The following RBFOX3 variants were observed in gnomAD, a reference collection of about 807,000 sequenced individuals.
RBFOX3 encodes the protein RNA binding protein fox-1 homolog 3.
A neutral mutation model predicts 48.7 loss-of-function variants in RBFOX3; 17 were observed. The ratio of observed to expected loss-of-function variants is 0.35; its 90% CI spans 0.24 to 0.52. The LOEUF (loss-of-function observed/expected upper bound fraction) is 0.52, where lower values mean the gene tolerates loss of function less well. Among genes scored for constraint, RBFOX3 ranks in the 20% least tolerant of loss-of-function variants. The pLI, the probability that RBFOX3 is intolerant of heterozygous loss-of-function variation, is 0.94. For synonymous variants in RBFOX3, 212 were observed against 209.5 expected, an observed-to-expected ratio of 1.01 and a Z score of -0.10; for missense variants, 382 against 497.5, an observed-to-expected ratio of 0.77 and a Z score of 2.21.
chr17:79,621,554 G>GA, the RBFOX3 span, among the ~76,000 whole-genome samples: 1 of 152,346 alleles, frequency 6.6e-6, no homozygotes, highest in African/African-American at 2.4e-5. Context: ...GCAATACACT[G>GA]AGTGCCTGGG....
intron 2 of RBFOX3, among the ~76,000 whole-genome samples, chr17:79,387,538 G>A (rs1480687459): frequency 2.6e-5 from 4 of 152,242 alleles, no homozygotes; most frequent in South Asian, 2.1e-4. Context: ...GGCTGGTACC[G>A]CCCGCATGGG....
intron 2 of RBFOX3, among the ~76,000 whole-genome samples, chr17:79,320,371 C>G (rs961878964): frequency 2.0e-5 from 3 of 152,224 alleles, no homozygotes; most frequent in Non-Finnish European, 4.4e-5. Context: ...CAGATCTGAA[C>G]ACCTTGGCCA....
intron 4 of RBFOX3, among the ~76,000 whole-genome samples, chr17:79,218,720 G>A (rs1279933460): frequency 5.9e-5 from 9 of 152,206 alleles, no homozygotes; most frequent in African/African-American, 1.9e-4. Flanking sequence ...CTCAGGGAAT[G>A]TCTTTGGGGA....
intron 1 of RBFOX3, among the ~76,000 whole-genome samples, chr17:79,590,127 G>A (rs1039889203): frequency 1.3e-5 from 2 of 151,714 alleles, no homozygotes; most frequent in East Asian, 1.9e-4. Context: ...CCCCAACACC[G>A]CCTCCCCACC....
chr17:79,183,058 G>A (rs2052488080), intron 4 of RBFOX3, among the ~76,000 whole-genome samples: 1 of 148,960 alleles, frequency 6.7e-6, no homozygotes, highest in South Asian at 2.1e-4. Flanking sequence ...GCCTCGCGCC[G>A]CGCGCGCCCT....
intron 3 of RBFOX3, among the ~76,000 whole-genome samples, chr17:79,305,124 T>C (rs763498109): frequency 1.3e-5 from 2 of 152,110 alleles, no homozygotes; most frequent in Non-Finnish European, 2.9e-5. Context: ...TGGCTATTTT[T>C]AGTCAATCAT....
intron 3 of RBFOX3, among the ~76,000 whole-genome samples, chr17:79,237,160 T>C (rs1156937236): frequency 2.0e-5 from 3 of 152,220 alleles, no homozygotes; most frequent in African/African-American, 7.2e-5. Flanking sequence ...TATGTGTGCG[T>C]ATTTTTTAAA....
At chr17:79,236,991 T>G (rs2061705424) in intron 3 of RBFOX3, among the ~76,000 whole-genome samples, 1 of 152,192 alleles carries the variant, frequency 6.6e-6, no homozygotes, top group African/African-American at 2.4e-5. Context: ...ATTTACAATT[T>G]TAACCATTTT....
At chr17:79,616,302 G>A in the RBFOX3 span, among the ~76,000 whole-genome samples, 26,361 of 151,972 alleles carry the variant, frequency 0.17, 3,896 homozygotes, top group African/African-American at 0.41. Context: ...TTGGGAGGCC[G>A]AGGCAGGTGG....
chr17:79,228,010 A>G (rs564188820), intron 4 of RBFOX3, among the ~76,000 whole-genome samples: 11 of 152,278 alleles, frequency 7.2e-5, no homozygotes, highest in African/African-American at 2.6e-4. Flanking sequence ...CGTCAATGTA[A>G]GGCCTGCAGG....
At chr17:79,185,320 C>T (rs2053176488) in intron 4 of RBFOX3, among the ~76,000 whole-genome samples, 1 of 152,156 alleles carries the variant, frequency 6.6e-6, no homozygotes, top group Admixed American at 6.6e-5. Flanking sequence ...TTGATGAGGC[C>T]CTCCCTGCTG....
At chr17:79,271,126 A>T (rs1248129392) in intron 3 of RBFOX3, among the ~76,000 whole-genome samples, 1 of 150,268 alleles carries the variant, frequency 6.7e-6, no homozygotes, top group Non-Finnish European at 1.5e-5. Context: ...CCCAGGCTGG[A>T]GCGCAATGGT....
chr17:79,267,891 A>G (rs1374550535), intron 3 of RBFOX3, among the ~76,000 whole-genome samples: 2 of 152,186 alleles, frequency 1.3e-5, no homozygotes, highest in African/African-American at 4.8e-5. Context: ...AGAGAAAAGG[A>G]CGGGAAGGAG....
chr17:79,266,441 G>C lies in RBFOX3; in HGVS notation c.-73-30636C>G, dbSNP rs75737322. On this transcript the variant is annotated intron_variant, in intron 3 of 14. Coordinates refer to ENST00000693108, the MANE Select transcript of RBFOX3 (RefSeq NM_001350451.2). ...CTGTTGGGACTGTTCCTTTTCTTAG[G>C]GGGTATTATTCAGAACTGGGTTGGA... is the stretch of plus-strand genomic sequence containing the variant. Among the ~76,000 whole-genome samples, 60 of 152,292 alleles carry C rather than the reference G, an allele frequency of 3.9e-4. No homozygotes were observed. The East Asian group carries it at 0.011, about 27-fold the overall frequency.
At chr17:79,244,917 CTCT>C (rs1053613515) in intron 3 of RBFOX3, among the ~76,000 whole-genome samples, 2 of 145,826 alleles carry the variant, frequency 1.4e-5, no homozygotes, top group South Asian at 2.2e-4. Context: ...CTTCCTTCCT[CTCT>C]TCTTTCTCCC....
At chr17:79,384,073 C>T (rs142323805) in intron 2 of RBFOX3, among the ~76,000 whole-genome samples, 19 of 152,200 alleles carry the variant, frequency 1.2e-4, no homozygotes, top group Admixed American at 4.6e-4. Flanking sequence ...TTCTCGCAGC[C>T]GCCACATGCC....
At chr17:79,465,594 A>G (rs1555753166) in intron 2 of RBFOX3, among the ~76,000 whole-genome samples, 1 of 151,264 alleles carries the variant, frequency 6.6e-6, no homozygotes, top group Admixed American at 6.6e-5. Context: ...AAAAAAAAAT[A>G]CATCTAAATT....
intron 10 of RBFOX3, 29 bp downstream of exon 10, chr17:79,097,663 T>TACCCACCCCCCCCCC: frequency 7.2e-7 from 1 of 1,384,074 alleles, no homozygotes; most frequent in African/African-American, 1.6e-5. Flanking sequence ...GCTGGTCTCA[T>TACCCACCCCCCCCCC]CCCATCCCCG....
intron 1 of RBFOX3, among the ~76,000 whole-genome samples, chr17:79,590,250 G>C (rs1156406478): frequency 2.0e-5 from 3 of 152,168 alleles, no homozygotes; most frequent in African/African-American, 7.2e-5. Context: ...CACGCGGTAA[G>C]AGACAAGCAA....
Sources: gnomAD v4.1 joint callset for allele counts (sites outside exome capture counted in the v4.1 genomes callset) on GRCh38, gnomAD v4.1.1 for gene constraint, MANE v1.5 for transcripts, NCBI Gene and HGNC (gene_info 2026-07-23, HGNC 2026-07-21) for gene names.